The following CAMK1D variants were observed in gnomAD, a reference collection of about 807,000 sequenced individuals.
CAMK1D encodes the protein calcium/calmodulin-dependent protein kinase type 1D.
In CAMK1D, 9 loss-of-function variants were observed where a neutral mutation model predicts 47.7. The observed-to-expected ratio is 0.19, with a 90% CI of 0.11 to 0.33. The LOEUF is 0.33. CAMK1D is among the 10% of genes least tolerant of loss of function. CAMK1D has a pLI of 1.00. For missense variants in CAMK1D, 291 were observed against 488.7 expected (o/e 0.60, Z 3.81); for synonymous variants, 184 against 184.9 (o/e 0.99, Z 0.04).
intron 3 of CAMK1D, among the ~76,000 whole-genome samples, chr10:12,753,835 T>C (rs995535952): frequency 1.3e-5 from 2 of 152,236 alleles, no homozygotes; most frequent in African/African-American, 2.4e-5. Context: ...TACTGGGCCT[T>C]GGCTGCCCAC....
rs1833389623 is a variant in CAMK1D at position 12,829,880 on chromosome 10, C to T, written c.*993C>T. On this transcript the variant is annotated 3_prime_UTR_variant, in exon 11 of 11. Transcript: ENST00000619168. ...GCGAGGCTCTCTTCTCTGCGGGGGA[C>T]TTTGGTAGAGAATCTGCACAGAGCC... 6.6e-6 allele frequency: 1 copy of T among 152,254 alleles called. No individual in the cohort carries two copies. The highest frequency in any genetic ancestry group is 1.5e-5 in the Non-Finnish European group (1 of 68,120). The allele number at this position is 152,254 out of a possible 1,614,324, so 9.4% of individuals were successfully genotyped here.
intron 1 of CAMK1D, 148 bp from the exon 2 acceptor site, chr10:12,553,077 C>A: frequency 6.9e-7 from 1 of 1,453,000 alleles, no homozygotes; most frequent in Non-Finnish European, 9.2e-7. Flanking sequence ...AGATGTTTAG[C>A]AAGGAGCCAC....
chr10:12,389,603 A>C (rs1445474030), intron 1 of CAMK1D, among the ~76,000 whole-genome samples: 1 of 151,796 alleles, frequency 6.6e-6, no homozygotes, highest in African/African-American at 2.4e-5. Context: ...AATTCTGCTG[A>C]GCCTCTCGGA....
At chr10:12,527,281 C>T (rs1835655499) in intron 1 of CAMK1D, among the ~76,000 whole-genome samples, 1 of 151,094 alleles carries the variant, frequency 6.6e-6, no homozygotes, top group Non-Finnish European at 1.5e-5. Flanking sequence ...GTCCTCTGGC[C>T]AGAAAAGGGG....
At chr10:12,538,308 T>G (rs1305595194) in intron 1 of CAMK1D, among the ~76,000 whole-genome samples, 1 of 152,230 alleles carries the variant, frequency 6.6e-6, no homozygotes, top group East Asian at 1.9e-4. Flanking sequence ...GTGATCTCTT[T>G]AGCTCTGTGA....
intron 1 of CAMK1D, among the ~76,000 whole-genome samples, chr10:12,510,035 C>T (rs1003411196): frequency 6.6e-6 from 1 of 152,186 alleles, no homozygotes; most frequent in Admixed American, 6.5e-5. Flanking sequence ...GGCTTTCAGA[C>T]AGAAATCATG....
At chr10:12,454,852 A>G (rs916822744) in intron 1 of CAMK1D, among the ~76,000 whole-genome samples, 4 of 152,240 alleles carry the variant, frequency 2.6e-5, no homozygotes, top group African/African-American at 9.6e-5. Context: ...TTAGTAGGTA[A>G]AATTTTAGGT....
At chr10:12,788,980 T>G (rs1837856288) in intron 5 of CAMK1D, among the ~76,000 whole-genome samples, 7 of 152,266 alleles carry the variant, frequency 4.6e-5, no homozygotes, top group Admixed American at 4.6e-4. Flanking sequence ...GGGGATTATC[T>G]GTGGAGTGCA....
intron 3 of CAMK1D, among the ~76,000 whole-genome samples, chr10:12,677,324 C>A (rs950427114): frequency 6.6e-6 from 1 of 152,116 alleles, no homozygotes; most frequent in South Asian, 2.1e-4. Flanking sequence ...GAATATGACA[C>A]CTTAATATAT....
intron 1 of CAMK1D, among the ~76,000 whole-genome samples, chr10:12,525,530 T>A (rs992353875): frequency 3.3e-5 from 5 of 151,910 alleles, no homozygotes; most frequent in African/African-American, 9.7e-5. Context: ...TTTAAAAAAA[T>A]TTCAATTATT....
intron 1 of CAMK1D, among the ~76,000 whole-genome samples, chr10:12,548,090 G>A (rs1285413537): frequency 6.6e-6 from 1 of 152,180 alleles, no homozygotes; most frequent in Non-Finnish European, 1.5e-5. Flanking sequence ...CTCGGAGGCA[G>A]TAGGAAACCG....
chr10:12,652,688 A>T (rs572330950), intron 2 of CAMK1D, among the ~76,000 whole-genome samples: 20 of 152,320 alleles, frequency 1.3e-4, no homozygotes, highest in Non-Finnish European at 1.2e-4. Context: ...ATAGCCCTGG[A>T]GGTTACACTA....
intron 1 of CAMK1D, among the ~76,000 whole-genome samples, chr10:12,387,424 ATTTT>A (rs1564307070): frequency 2.2e-4 from 16 of 73,118 alleles, no homozygotes; most frequent in African/African-American, 6.3e-4. Flanking sequence ...TATTTTATAT[ATTTT>A]ATATATTATA....
At chr10:12,722,686 G>A (rs1009350564) in intron 3 of CAMK1D, among the ~76,000 whole-genome samples, 1 of 152,100 alleles carries the variant, frequency 6.6e-6, no homozygotes, top group East Asian at 1.9e-4. Context: ...GGATCTGGAC[G>A]AGGTCAGTTC....
intron 3 of CAMK1D, among the ~76,000 whole-genome samples, chr10:12,696,751 A>C (rs746207845): frequency 6.6e-6 from 1 of 152,228 alleles, no homozygotes; most frequent in Non-Finnish European, 1.5e-5. Flanking sequence ...AGAATTTTCT[A>C]CTCAATAGAA....
intron 1 of CAMK1D, among the ~76,000 whole-genome samples, chr10:12,393,681 G>T (rs775872506): frequency 3.9e-5 from 6 of 152,188 alleles, no homozygotes; most frequent in Admixed American, 1.3e-4. Flanking sequence ...CAGCCCACCT[G>T]GGGGAAGACA....
At chr10:12,789,258 G>GTATT (rs1837873496) in intron 5 of CAMK1D, among the ~76,000 whole-genome samples, 1 of 151,388 alleles carries the variant, frequency 6.6e-6, no homozygotes, top group African/African-American at 2.5e-5. Context: ...TAGTATTAGT[G>GTATT]TATTTTATGT....
intron 3 of CAMK1D, among the ~76,000 whole-genome samples, chr10:12,691,374 TA>T (rs1564495358): frequency 1.1e-3 from 9 of 7,868 alleles, no homozygotes; most frequent in Admixed American, 3.5e-3. Flanking sequence ...TATATATATA[TA>T]TAAATATATA....
chr10:12,524,343 C>A (rs1372728456), intron 1 of CAMK1D, among the ~76,000 whole-genome samples: 1 of 152,144 alleles, frequency 6.6e-6, no homozygotes, highest in Non-Finnish European at 1.5e-5. Flanking sequence ...ATCTAAAAGT[C>A]CTATAACCAA....
Sources: gnomAD v4.1 joint callset for allele counts (sites outside exome capture counted in the v4.1 genomes callset) on GRCh38, gnomAD v4.1.1 for gene constraint, MANE v1.5 for transcripts, NCBI Gene and HGNC (gene_info 2026-07-23, HGNC 2026-07-21) for gene names.